Variants in ARHGAP10 observed in about 807,000 individuals in gnomAD.
ARHGAP10 encodes the protein rho GTPase-activating protein 10.
A neutral mutation model predicts 108.6 loss-of-function variants in ARHGAP10; 87 were observed. The ratio of observed to expected loss-of-function variants is 0.80; its 90% CI spans 0.67 to 0.96. ARHGAP10 has a LOEUF of 0.96. ARHGAP10 is among the 40% of genes least tolerant of loss of function. ARHGAP10 has a pLI of 0.00. For synonymous variants in ARHGAP10, 347 were observed against 341.1 expected (o/e 1.02, Z -0.19); for missense variants, 939 against 954.5 (o/e 0.98, Z 0.21).
At chr4:147,867,539 T>C (rs1268322416) in intron 7 of ARHGAP10, among the ~76,000 whole-genome samples, 1 of 152,132 alleles carries the variant, frequency 6.6e-6, no homozygotes, top group East Asian at 1.9e-4. Context: ...GAAGCTGTGG[T>C]TGTTGCCTGC....
intron 18 of ARHGAP10, among the ~76,000 whole-genome samples, chr4:147,985,335 G>A (rs1739997102): frequency 6.6e-6 from 1 of 152,170 alleles, no homozygotes; most frequent in East Asian, 1.9e-4. Context: ...CTGAATGCAT[G>A]GAAATCTGCC....
intron 1 of ARHGAP10, among the ~76,000 whole-genome samples, chr4:147,753,617 G>C (rs942912119): frequency 2.0e-5 from 3 of 151,946 alleles, no homozygotes; most frequent in African/African-American, 4.8e-5. Flanking sequence ...GCCTCCCAGA[G>C]TGCTGGGATT....
At chr4:147,812,183 A>C (rs1417156322) in intron 1 of ARHGAP10, among the ~76,000 whole-genome samples, 1 of 152,140 alleles carries the variant, frequency 6.6e-6, no homozygotes, top group Non-Finnish European at 1.5e-5. Flanking sequence ...TGAAGGAGGG[A>C]GTAAAAAGCT....
intron 20 of ARHGAP10, among the ~76,000 whole-genome samples, chr4:148,054,892 G>A (rs1000723639): frequency 6.6e-6 from 1 of 152,226 alleles, no homozygotes; most frequent in Non-Finnish European, 1.5e-5. Flanking sequence ...CTTTAGAGCT[G>A]TGCTTGGCCC....
chr4:147,798,304 A>G (rs1283607928), intron 1 of ARHGAP10, among the ~76,000 whole-genome samples: 1 of 152,112 alleles, frequency 6.6e-6, no homozygotes, highest in African/African-American at 2.4e-5. Flanking sequence ...TTACTTATAC[A>G]ACACCTGCTA....
rs1349486187 is a variant in ARHGAP10, at chr4:147,784,493, TTATA to T, written c.155-38229_155-38226del. Among the ~76,000 whole-genome samples, 552 of 114,102 alleles carry T rather than the reference TTATA, an allele frequency of 4.8e-3. 3 individuals are homozygous for T. Among genetic ancestry groups the T allele is most frequent in the Non-Finnish European group, 7.0e-3 (428 of 60,952 alleles). The allele number at this position is 114,102 out of a possible 152,430, so 74.9% of individuals were successfully genotyped here. ...ATTTATATTTATATATATATTTAAT[TTATA>T]TATAATATATACTGCAAAATATATA... On this transcript the variant is annotated intron_variant, in intron 1 of 22. Coordinates refer to ENST00000336498, the MANE Select transcript of ARHGAP10 (RefSeq NM_024605.4).
In ARHGAP10 at chr4:148,063,242, G is replaced by T; in HGVS notation, c.2122G>T (p.Gly708Trp). 6.2e-7 allele frequency: 1 copy of T among 1,614,134 alleles called. No individual in the cohort carries two copies. Among genetic ancestry groups the T allele is most frequent in the Non-Finnish European group, 8.5e-7 (1 of 1,180,018 alleles). Residue 708 changes from glycine (G) to tryptophan (W), a missense_variant, in exon 21 of 23, where the codon GGG becomes TGG. Coordinates refer to ENST00000336498, the MANE Select transcript of ARHGAP10 (RefSeq NM_024605.4). ...CTCAGCTGTGACACCTCTTTCACCC[G>T]GGTCGTCCCCTTTCCCCTTTTCTCC... ...SNSAVTPLSP[G>W]SSPFPFSPPA...
At chr4:147,878,220 C>T (rs142128473) in intron 8 of ARHGAP10, among the ~76,000 whole-genome samples, 1,770 of 152,196 alleles carry the variant, frequency 0.012, 26 homozygotes, top group African/African-American at 0.038. Context: ...CTCAGCCTCC[C>T]GAGTAGCTGG....
chr4:147,777,097 A>T (rs1006479994), intron 1 of ARHGAP10, among the ~76,000 whole-genome samples: 1 of 152,168 alleles, frequency 6.6e-6, no homozygotes, highest in Non-Finnish European at 1.5e-5. Flanking sequence ...CTTCTTGGAC[A>T]TAAATTTACA....
At chr4:147,983,334 C>T (rs532154525) in intron 18 of ARHGAP10, among the ~76,000 whole-genome samples, 15 of 151,864 alleles carry the variant, frequency 9.9e-5, no homozygotes, top group South Asian at 8.3e-4. Flanking sequence ...TACAGGCGCC[C>T]GCCACCACGC....
intron 20 of ARHGAP10, among the ~76,000 whole-genome samples, chr4:148,059,382 T>A (rs1729501632): frequency 6.6e-6 from 1 of 152,118 alleles, no homozygotes. Flanking sequence ...TAGCTTGGCA[T>A]TAAACAGAAT....
At chr4:147,770,499 T>A (rs909248009) in intron 1 of ARHGAP10, among the ~76,000 whole-genome samples, 1 of 152,232 alleles carries the variant, frequency 6.6e-6, no homozygotes. Flanking sequence ...CACTCCAGCC[T>A]GGGCAATAGA....
At chr4:147,793,334 A>G (rs2126749694) in intron 1 of ARHGAP10, among the ~76,000 whole-genome samples, 3 of 141,898 alleles carry the variant, frequency 2.1e-5, no homozygotes, top group African/African-American at 7.8e-5. Flanking sequence ...TTTTTTTTTT[A>G]CAAATGTACA....
At chr4:147,962,777 C>G (rs1181724179) in intron 16 of ARHGAP10, among the ~76,000 whole-genome samples, 1 of 152,178 alleles carries the variant, frequency 6.6e-6, no homozygotes. Context: ...ACTTTTCCCA[C>G]CTCAGTCTCC....
intron 1 of ARHGAP10, among the ~76,000 whole-genome samples, chr4:147,807,433 C>T (rs1731836401): frequency 6.6e-6 from 1 of 151,352 alleles, no homozygotes; most frequent in African/African-American, 2.4e-5. Flanking sequence ...ACTTATATTC[C>T]AGAATTATTT....
At chr4:148,051,347 T>C (rs1046676190) in intron 20 of ARHGAP10, among the ~76,000 whole-genome samples, 1 of 152,230 alleles carries the variant, frequency 6.6e-6, no homozygotes, top group Non-Finnish European at 1.5e-5. Context: ...AAGTCATTTT[T>C]TCCCCACAAT....
intron 13 of ARHGAP10, among the ~76,000 whole-genome samples, chr4:147,928,191 G>C (rs1427093449): frequency 1.3e-5 from 2 of 152,190 alleles, no homozygotes; most frequent in Non-Finnish European, 2.9e-5. Context: ...CAAGTCTTAG[G>C]TGTATCTTTA....
At chr4:147,869,960 G>A (rs1210093221) in intron 7 of ARHGAP10, among the ~76,000 whole-genome samples, 1 of 146,170 alleles carries the variant, frequency 6.8e-6, no homozygotes, top group African/African-American at 2.6e-5. Flanking sequence ...GAAAATGCTG[G>A]GTATATAAAA....
rs142901198 is a variant in ARHGAP10, at chr4:148,013,023, T to C, written c.1717-10240T>C. On this transcript the variant is annotated intron_variant, in intron 18 of 22. Coordinates refer to ENST00000336498, the MANE Select transcript of ARHGAP10 (RefSeq NM_024605.4). ...TGTATTATCACCTTTGTAACATGAA[T>C]AAATTGTAATTTGGGAAAAAAATGT... is the stretch of plus-strand genomic sequence containing the variant. 4.0e-4 allele frequency among the ~76,000 whole-genome samples: 61 copies of C among 151,996 alleles called. No individual in the cohort carries two copies. The East Asian group carries it at 9.5e-3, about 24-fold the overall frequency.
Sources: allele counts gnomAD v4.1 joint callset (sites outside exome capture counted in the v4.1 genomes callset), GRCh38; gene constraint gnomAD v4.1.1; transcripts MANE v1.5; gene names NCBI Gene and HGNC (gene_info 2026-07-23, HGNC 2026-07-21).